The following RHPN1 variants were observed in gnomAD, a reference collection of about 807,000 sequenced individuals.
The protein encoded by RHPN1 is rhophilin Rho GTPase binding protein 1, also known as rhophilin-1.
Under a neutral mutation model 74.7 loss-of-function variants are expected in RHPN1, and 77 were observed. That is an observed-to-expected ratio of 1.03 (90% CI 0.86 to 1.25). The LOEUF (loss-of-function observed/expected upper bound fraction) is 1.25. Ranked by LOEUF, RHPN1 falls within the 50% of genes most tolerant of loss-of-function variation. RHPN1 has a pLI of 0.00. For missense variants in RHPN1, 987 were observed against 932.2 expected, an observed-to-expected ratio of 1.06 and a Z score of -0.77; for synonymous variants, 444 against 414.5, an observed-to-expected ratio of 1.07 and a Z score of -0.87.
chr8:143,365,413 C>T (rs1378459323), upstream of RHPN1, among the ~76,000 whole-genome samples: 3 of 152,252 alleles, frequency 2.0e-5, no homozygotes, highest in Non-Finnish European at 4.4e-5. Context: ...AGACCCCCTC[C>T]TCCTGGCTGC....
At chr8:143,382,072 G>T in intron 14 of RHPN1, 104 bp downstream of exon 14, 1 of 1,220,282 alleles carries the variant, frequency 8.2e-7, no homozygotes, top group Non-Finnish European at 1.1e-6. Flanking sequence ...GGGAGGTGGG[G>T]CTGCAGGTAA....
chr8:143,366,432 G>A (rs112958911), upstream of RHPN1, among the ~76,000 whole-genome samples: 191 of 152,102 alleles, frequency 1.3e-3, 2 homozygotes, highest in African/African-American at 4.5e-3. Flanking sequence ...TTTTTTGAGT[G>A]CAGTGATACA....
At position 143,369,007 on chromosome 8, in the gene RHPN1, C is replaced by G. The variant is rs917619608; in HGVS notation, c.20C>G (p.Pro7Arg). Residue 7 changes from proline to arginine, a missense_variant, in exon 1 of 15, where the codon CCG (proline) becomes CGG (arginine). Transcript: ENST00000289013. ...GCGGCGATGATCCTGGAGGAGAGGC[C>G]GGACGGCGCGGGCGCCGGCGAGGAG... The part of the protein sequence containing the change: MILEER[P>R]DGAGAGEESP... 6.7e-7 allele frequency: 1 copy of G among 1,496,296 alleles called. No individual in the cohort carries two copies. The highest frequency in any genetic ancestry group is 1.2e-5 in the South Asian group (1 of 80,292). The allele number at this position is 1,496,296 out of a possible 1,614,324, so 92.7% of individuals were successfully genotyped here. A position where few individuals can be genotyped will look rare whatever the true frequency, so the allele number is the denominator to read the frequency against.
At chr8:143,379,619 G>T (rs915375997) in intron 8 of RHPN1, 111 bp downstream of exon 8, 13 of 1,450,548 alleles carry the variant, frequency 9.0e-6, no homozygotes, top group Non-Finnish European at 1.1e-5. Flanking sequence ...TGTCAGCCCC[G>T]AGCCAGCTGT....
chr8:143,379,153 G>A lies in RHPN1; in HGVS notation c.751+75G>A, dbSNP rs561603703. 4 of 1,424,300 alleles carry A rather than the reference G, an allele frequency of 2.8e-6. No homozygotes were observed. The South Asian group carries it at 4.4e-5, about 16-fold the overall frequency. 88.2% of individuals were successfully genotyped at this position (1,424,300 alleles called of 1,614,324 possible). A position where few individuals can be genotyped will look rare whatever the true frequency, so the allele number is the denominator to read the frequency against. On this transcript the variant is annotated intron_variant, in intron 7 of 14. Coordinates refer to ENST00000289013, the MANE Select transcript of RHPN1 (RefSeq NM_052924.3). ...GCAGAGCCCCTTTTGCAGGGCAGGA[G>A]CTGGGGAGTGGTTAGGACATCAGTC...
upstream of RHPN1, among the ~76,000 whole-genome samples, chr8:143,366,174 T>C (rs1337377249): frequency 6.6e-6 from 1 of 151,818 alleles, no homozygotes; most frequent in Admixed American, 6.6e-5. Flanking sequence ...AAAACGAGCA[T>C]AAAGCAGCCC....
chr8:143,382,730 C>T lies in RHPN1; in HGVS notation c.*79C>T. 1.6e-6 allele frequency: 2 copies of T among 1,277,606 alleles called. No individual in the cohort carries two copies. Among genetic ancestry groups the T allele is most frequent in the Non-Finnish European group, 2.2e-6 (2 of 924,930 alleles). The allele number at this position is 1,277,606 out of a possible 1,614,324, so 79.1% of individuals were successfully genotyped here. ...AGCATGCCCTCCCCACCCAGAGGAC[C>T]TCCGGGCAATGCCTGTCCCGCCTCA... is the stretch of plus-strand genomic sequence containing the variant. On this transcript the variant is annotated 3_prime_UTR_variant, in exon 15 of 15. Coordinates refer to ENST00000289013, the MANE Select transcript of RHPN1 (RefSeq NM_052924.3).
At chr8:143,381,442 C>A in intron 12 of RHPN1, 98 bp downstream of exon 12, 1 of 1,446,984 alleles carries the variant, frequency 6.9e-7, no homozygotes, top group East Asian at 2.4e-5. Context: ...GATGGTGGTC[C>A]AGCCCTCCCC....
chr8:143,378,509 G>T (rs901576901), intron 5 of RHPN1, among the ~76,000 whole-genome samples, 163 bp downstream of exon 5: 3 of 152,258 alleles, frequency 2.0e-5, no homozygotes, highest in African/African-American at 7.2e-5. Flanking sequence ...CAGCCAGGGG[G>T]CGTGGAGGGG....
intron 8 of RHPN1, 29 bp downstream of exon 8, chr8:143,379,537 AG>A: frequency 6.6e-7 from 1 of 1,522,988 alleles, no homozygotes; most frequent in Non-Finnish European, 8.8e-7. Flanking sequence ...GTCAGGATGC[AG>A]GGGGTGGGGC....
rs542361734 is a variant in RHPN1 at position 143,379,311 on chromosome 8, G to A, written c.752-4G>A. On this transcript the variant is annotated splice_region_variant and splice_polypyrimidine_tract_variant and intron_variant, in intron 7 of 14. Coordinates refer to ENST00000289013, the MANE Select transcript of RHPN1 (RefSeq NM_052924.3). ...TGCCTGTGTGAGCACCCCTCCCTCC[G>A]CAGGGGCCTTCAGCCTCCTGAGGGA... 87 of 1,580,890 alleles carry A rather than the reference G, an allele frequency of 5.5e-5. No homozygotes were observed. In the African/African-American group the frequency reaches 6.7e-4, roughly 12 times the overall value.
rs761122027 is a variant in RHPN1, at chr8:143,380,765, G to C, written c.1393G>C (p.Glu465Gln). The C allele has an allele frequency of 8.2e-6, 13 of 1,580,790 alleles. No individual in the cohort carries two copies. Among genetic ancestry groups the C allele is most frequent in the Non-Finnish European group, 1.1e-5 (13 of 1,162,376 alleles). Residue 465 changes from glutamate to glutamine, a missense_variant, in exon 11 of 15, where the codon GAG (glutamate) becomes CAG (glutamine). Transcript: ENST00000289013. ...DREDDFCEAA[E>Q]APDIQPKTHQ... is the part of the protein sequence containing the mutation. ...TGAGGATGACTTCTGTGAGGCTGCC[G>C]AGGCCCCGGACATCCAGCGTGAGCA...
Position 143,368,992 on chromosome 8 carries a change from T to A in RHPN1, c.5T>A (p.Ile2Asn). 6.7e-7 allele frequency: 1 copy of A among 1,493,406 alleles called. No homozygotes were observed. The highest frequency in any genetic ancestry group is 8.9e-7 in the Non-Finnish European group (1 of 1,129,240). 92.5% of individuals were successfully genotyped at this position (1,493,406 alleles called of 1,614,324 possible). A position where few individuals can be genotyped will look rare whatever the true frequency, so the allele number is the denominator to read the frequency against. The change falls in exon 1 of 15, where the codon ATC becomes AAC. Residue 2 changes from isoleucine to asparagine, a missense_variant. Transcript: ENST00000289013. M[I>N]LEERPDGAGA... is the part of the protein sequence containing the mutation. ...CCCAGCGCAGCGGGTGCGGCGATGA[T>A]CCTGGAGGAGAGGCCGGACGGCGCG...
chr8:143,378,563 TC>T, intron 5 of RHPN1, 132 bp from the exon 6 acceptor site: 1 of 1,275,428 alleles, frequency 7.8e-7, no homozygotes, highest in South Asian at 1.5e-5. Flanking sequence ...CCTTCGGGAG[TC>T]ACGGCTGCCC....
intron 14 of RHPN1, 45 bp downstream of exon 14, chr8:143,382,013 A>G (rs1174586290): frequency 6.6e-7 from 1 of 1,517,636 alleles, no homozygotes; most frequent in South Asian, 1.3e-5. Context: ...GCTTGCTGTC[A>G]CCACCCTGGC....
rs189902663 is a variant in RHPN1, at chr8:143,381,661, G to A, written c.1578G>A (p.Thr526=). Residue 526 remains threonine (T), a synonymous_variant, in exon 13 of 15, where the codon ACG becomes ACA. Coordinates refer to ENST00000289013, the MANE Select transcript of RHPN1 (RefSeq NM_052924.3). The part of the protein sequence containing the change: ...LTRGEGGFGL[T]LRGDSPVLIA... ...GAGGAGAGGGCGGCTTTGGCCTCAC[G>A]CTTCGGGGAGACTCGCCTGTCCTCA... The A allele has an allele frequency of 2.0e-4, 329 of 1,611,512 alleles. No homozygotes were observed. In the African/African-American group the frequency reaches 3.6e-3, roughly 18 times the overall value.
chr8:143,377,505 A>G, intron 4 of RHPN1, 50 bp downstream of exon 4: 4 of 1,399,314 alleles, frequency 2.9e-6, no homozygotes, highest in Non-Finnish European at 4.0e-6. Flanking sequence ...CCCTGGGACC[A>G]AGGGGGTCTT....
rs780010108 is a variant in RHPN1 at position 143,381,579 on chromosome 8, T to C, written c.1496T>C (p.Leu499Pro). Residue 499 changes from leucine to proline, a missense_variant, in exon 13 of 15, where the codon CTG becomes CCG. Coordinates refer to ENST00000289013, the MANE Select transcript of RHPN1 (RefSeq NM_052924.3). ...GPDIFHRLGP[L>P]SVFSAKNRWR... Reference sequence around the variant, plus strand: ...CCTCTGAGCCCCTGCCAGGGGCCCCTGTCTGTGTTCTCAGCCAAGAACCGG... The same window carrying C: ...CCTCTGAGCCCCTGCCAGGGGCCCCCGTCTGTGTTCTCAGCCAAGAACCGG... The C allele has an allele frequency of 1.9e-6, 3 of 1,607,716 alleles. No homozygotes were observed. Among genetic ancestry groups the C allele is most frequent in the Non-Finnish European group, 2.5e-6 (3 of 1,178,692 alleles).
At chr8:143,377,493 T>TG (rs765599844) in intron 4 of RHPN1, 38 bp downstream of exon 4, 203 of 1,509,344 alleles carry the variant, frequency 1.3e-4, no homozygotes, top group Non-Finnish European at 1.8e-4. Flanking sequence ...TACACGGCCC[T>TG]GCCCTGGGAC....
Sources: gnomAD v4.1 joint callset for allele counts (sites outside exome capture counted in the v4.1 genomes callset) on GRCh38, gnomAD v4.1.1 for gene constraint, MANE v1.5 for transcripts, NCBI Gene and HGNC (gene_info 2026-07-23, HGNC 2026-07-21) for gene names.